Variants in SCN9A observed in about 807,000 individuals in gnomAD.
The protein encoded by SCN9A is sodium voltage-gated channel alpha subunit 9.
In SCN9A, 131 loss-of-function variants were observed where a neutral mutation model predicts 187.0. That is an observed-to-expected ratio of 0.70 (90% CI 0.61 to 0.81). The LOEUF is 0.81. Among genes scored for constraint, SCN9A ranks in the 30% least tolerant of loss-of-function variants. SCN9A has a pLI of 0.00. For synonymous variants in SCN9A, 809 were observed against 808.6 expected (o/e 1.00, Z -0.01); for missense variants, 2,252 against 2,396.6 (o/e 0.94, Z 1.26).
intron 1 of SCN9A, among the ~76,000 whole-genome samples, chr2:166,369,520 C>G (rs1700499175): frequency 6.6e-6 from 1 of 150,944 alleles, no homozygotes; most frequent in South Asian, 2.1e-4. Flanking sequence ...TTCCCTTTTT[C>G]CTACCTGAAT....
rs1693280446 is a variant in SCN9A, at chr2:166,197,575, T to C, written c.*1097A>G. On this transcript the variant is annotated 3_prime_UTR_variant, in exon 27 of 27. Transcript: ENST00000642356. ...GTGTAAAGTCTGTCATATTACATGA[T>C]TTGAAAGCTTGCCAAACACGGGATT... is the stretch of plus-strand genomic sequence containing the variant. 1 of 152,180 alleles carries C rather than the reference T, an allele frequency of 6.6e-6. No homozygotes were observed. Among genetic ancestry groups the C allele is most frequent in the Admixed American group, 6.5e-5 (1 of 15,282 alleles). 9.4% of individuals were successfully genotyped at this position (152,180 alleles called of 1,614,324 possible).
rs1574913597 is a variant in SCN9A at position 166,311,640 on chromosome 2, C to A, written c.117G>T (p.Lys39Asn). 1.9e-6 allele frequency: 3 copies of A among 1,613,342 alleles called. No individual in the cohort carries two copies. Among genetic ancestry groups the A allele is most frequent in the Non-Finnish European group, 2.5e-6 (3 of 1,179,754 alleles). The change falls in exon 2 of 27, where the codon AAG becomes AAT. Residue 39 changes from lysine to asparagine, a missense_variant. This residue lies in a region of SCN9A where 1,013 missense variants were observed against 997.4 expected (regional missense o/e 1.02). Coordinates refer to ENST00000642356, the MANE Select transcript of SCN9A (RefSeq NM_001365536.1). ...TTGGGGCTTCTTCATCATCATCTTT[C>A]TTTTCTTCTTTGGGTTCCTTTGATT... ...ERKSKEPKEE[K>N]KDDDEEAPKP...
intron 1 of SCN9A, among the ~76,000 whole-genome samples, chr2:166,319,720 T>C (rs1699192353): frequency 6.6e-6 from 1 of 152,164 alleles, no homozygotes; most frequent in African/African-American, 2.4e-5. Context: ...AGTACAATTA[T>C]AGAACTTTAT....
At chr2:166,337,036 A>T (rs963411828) in intron 1 of SCN9A, among the ~76,000 whole-genome samples, 1 of 152,278 alleles carries the variant, frequency 6.6e-6, no homozygotes, top group African/African-American at 2.4e-5. Flanking sequence ...CTCACTTTTC[A>T]CATAGTCTAG....
chr2:166,319,055 A>C (rs1699176181), intron 1 of SCN9A, among the ~76,000 whole-genome samples: 1 of 152,136 alleles, frequency 6.6e-6, no homozygotes, highest in African/African-American at 2.4e-5. Flanking sequence ...CATTCTTGTG[A>C]AAGTTTAGAG....
At chr2:166,290,921 G>A (rs1170770048) in intron 9 of SCN9A, among the ~76,000 whole-genome samples, 1 of 152,098 alleles carries the variant, frequency 6.6e-6, no homozygotes, top group Non-Finnish European at 1.5e-5. Flanking sequence ...GGTATTGATG[G>A]AACATATCTC....
Position 166,286,368 on chromosome 2 carries a change from C to T in SCN9A, c.1570G>A (p.Ala524Thr), listed in dbSNP as rs1164206681. 1 of 1,612,500 alleles carries T rather than the reference C, an allele frequency of 6.2e-7. No individual in the cohort carries two copies. The highest frequency in any genetic ancestry group is 8.5e-7 in the Non-Finnish European group (1 of 1,179,422). ...FHLGVEGHRRAHEKRLSTPNQ... is the reference protein window; with the variant it reads ...FHLGVEGHRRTHEKRLSTPNQ... Reference sequence around the variant, plus strand: ...GGGGTAGACAACCTCTTTTCATGTGCTCGCCTATGCCCTTCGACACCAAGG... The same window carrying T: ...GGGGTAGACAACCTCTTTTCATGTGTTCGCCTATGCCCTTCGACACCAAGG... Residue 524 changes from alanine (A) to threonine (T), a missense_variant, in exon 11 of 27, where the codon GCA becomes ACA. By Grantham distance (58) the Ala-to-Thr change is moderately conservative. Around this residue, in one of 7 missense-constraint regions of SCN9A, gnomAD observed 1,013 missense variants for 997.4 expected, o/e 1.02. Coordinates refer to ENST00000642356, the MANE Select transcript of SCN9A (RefSeq NM_001365536.1).
At chr2:166,366,894 A>C (rs1214111908) in intron 1 of SCN9A, among the ~76,000 whole-genome samples, 1 of 152,252 alleles carries the variant, frequency 6.6e-6, no homozygotes, top group Non-Finnish European at 1.5e-5. Context: ...TATTATAAAC[A>C]TAATGTAAAA....
intron 24 of SCN9A, among the ~76,000 whole-genome samples, chr2:166,221,096 C>T (rs1465737898): frequency 6.6e-6 from 1 of 152,076 alleles, no homozygotes; most frequent in Admixed American, 6.6e-5. Context: ...TTAGGATATG[C>T]TTAACCAAGG....
chr2:166,359,668 T>G (rs1254755825), intron 1 of SCN9A, among the ~76,000 whole-genome samples: 1 of 152,080 alleles, frequency 6.6e-6, no homozygotes, highest in Non-Finnish European at 1.5e-5. Flanking sequence ...TTTCATGTCC[T>G]AAAATCATTC....
At chr2:166,325,357 G>T (rs537484448) in intron 1 of SCN9A, among the ~76,000 whole-genome samples, 1 of 152,056 alleles carries the variant, frequency 6.6e-6, no homozygotes, top group East Asian at 1.9e-4. Flanking sequence ...TGATCAATAG[G>T]AGATCCATTA....
chr2:166,220,638 A>T (rs984063246), intron 24 of SCN9A, among the ~76,000 whole-genome samples: 1 of 152,194 alleles, frequency 6.6e-6, no homozygotes, highest in African/African-American at 2.4e-5. Flanking sequence ...TTATAGTAGC[A>T]CAAATGGATG....
chr2:166,361,259 ATACCTAAAGC>A, intron 1 of SCN9A, among the ~76,000 whole-genome samples: 1 of 152,158 alleles, frequency 6.6e-6, no homozygotes, highest in Non-Finnish European at 1.5e-5. Flanking sequence ...TTGATTTTGT[ATACCTAAAGC>A]TAATGTTCTT....
chr2:166,361,880 C>T (rs1483032109), intron 1 of SCN9A, among the ~76,000 whole-genome samples: 1 of 151,978 alleles, frequency 6.6e-6, no homozygotes, highest in African/African-American at 2.4e-5. Flanking sequence ...GAACTTAATG[C>T]TAAAGTGAGA....
Position 166,199,544 on chromosome 2 carries a change from C to G in SCN9A, c.5095G>C (p.Gly1699Arg). 1 of 1,614,188 alleles carries G rather than the reference C, an allele frequency of 6.2e-7. No homozygotes were observed. Among genetic ancestry groups the G allele is most frequent in the Non-Finnish European group, 8.5e-7 (1 of 1,180,034 alleles). Reference protein sequence around the residue: ...ICLFQITTSAGWDGLLAPILN... With the variant: ...ICLFQITTSARWDGLLAPILN... ...ATAGGTGCTAGCAATCCATCCCAGC[C>G]AGCAGAGGTTGTAATTTGGAACAGG... Residue 1699 changes from glycine to arginine, a missense_variant, in exon 27 of 27, where the codon GGC becomes CGC. By Grantham distance (125) the Gly-to-Arg change is moderately radical. Around this residue, in one of 7 missense-constraint regions of SCN9A, gnomAD observed 84 missense variants for 134.2 expected, o/e 0.63. Coordinates refer to ENST00000642356, the MANE Select transcript of SCN9A (RefSeq NM_001365536.1).
intron 1 of SCN9A, among the ~76,000 whole-genome samples, chr2:166,363,566 G>A (rs1700340202): frequency 6.6e-6 from 1 of 151,998 alleles, no homozygotes; most frequent in Non-Finnish European, 1.5e-5. Flanking sequence ...TGAAATGGGA[G>A]TTCTTGAAAT....
In SCN9A at chr2:166,280,330, G is replaced by T. The variant is rs1697420311; in HGVS notation, c.2343+27C>A. ...TGACAACTAAAAAGAGAAACTATGA[G>T]TACATAACACACAATAAGAGACTTA... On this transcript the variant is annotated intron_variant, in intron 14 of 26. Transcript: ENST00000642356. 8 of 1,244,678 alleles carry T rather than the reference G, an allele frequency of 6.4e-6. No individual in the cohort carries two copies. The East Asian group carries it at 1.8e-4, about 27-fold the overall frequency. The allele number at this position is 1,244,678 out of a possible 1,614,324, so 77.1% of individuals were successfully genotyped here. A position where few individuals can be genotyped will look rare whatever the true frequency, so the allele number is the denominator to read the frequency against.
At chr2:166,341,402 C>T (rs1340697301) in intron 1 of SCN9A, among the ~76,000 whole-genome samples, 2 of 152,182 alleles carry the variant, frequency 1.3e-5, no homozygotes, top group South Asian at 4.1e-4. Flanking sequence ...AACATTGAAG[C>T]TATGACCAGA....
Position 166,356,893 on chromosome 2 carries a change from C to T in SCN9A, c.-51+18804G>A, listed in dbSNP as rs373019820. Reference sequence around the variant, plus strand: ...CACTGTAGAACATTTAGGTTGTTTCCCAAAGCTACAATAATTATCTTCTCA... The same window carrying T: ...CACTGTAGAACATTTAGGTTGTTTCTCAAAGCTACAATAATTATCTTCTCA... On this transcript the variant is annotated intron_variant, in intron 1 of 26. Coordinates refer to ENST00000642356, the MANE Select transcript of SCN9A (RefSeq NM_001365536.1). Among the ~76,000 whole-genome samples, 67 of 152,192 alleles carry T rather than the reference C, an allele frequency of 4.4e-4. 2 individuals are homozygous for T. In the South Asian group the frequency reaches 0.013, roughly 30 times the overall value.
Sources: gnomAD v4.1 joint callset for allele counts (sites outside exome capture counted in the v4.1 genomes callset) on GRCh38, gnomAD v4.1.1 for gene constraint, gnomAD v4.1.1 regional missense constraint, MANE v1.5 for transcripts, NCBI Gene and HGNC (gene_info 2026-07-23, HGNC 2026-07-21) for gene names.